The following BMPR2 variants were observed in gnomAD, a reference collection of about 807,000 sequenced individuals.
BMPR2 encodes the protein bone morphogenetic protein receptor type-2.
BMPR2 carries 29 observed loss-of-function variants against 100.8 expected under a neutral mutation model. That is an observed-to-expected ratio of 0.29 (90% CI 0.21 to 0.39). The LOEUF is 0.39. Among genes scored for constraint, BMPR2 ranks in the 10% least tolerant of loss-of-function variants. The pLI is 1.00. For missense variants in BMPR2, 1,011 were observed against 1,274.5 expected, an observed-to-expected ratio of 0.79 and a Z score of 3.15; for synonymous variants, 382 against 442.3, an observed-to-expected ratio of 0.86 and a Z score of 1.71.
chr2:202,469,831 T>C (rs1371189371), intron 3 of BMPR2, among the ~76,000 whole-genome samples: 2 of 151,968 alleles, frequency 1.3e-5, no homozygotes, highest in African/African-American at 4.8e-5. Context: ...ACCAAAGTTA[T>C]TGAAAGATAA....
intron 1 of BMPR2, among the ~76,000 whole-genome samples, chr2:202,456,154 A>G (rs1023794415): frequency 2.1e-5 from 3 of 140,066 alleles, no homozygotes; most frequent in Non-Finnish European, 4.6e-5. Flanking sequence ...AAAGGACACT[A>G]TGTTTTTTTG....
Position 202,562,128 on chromosome 2 carries a change from C to A in BMPR2, c.*2182C>A, listed in dbSNP as rs1688686979. 6.6e-6 allele frequency: 1 copy of A among 152,058 alleles called. No homozygotes were observed. Among genetic ancestry groups the A allele is most frequent in the African/African-American group, 2.4e-5 (1 of 41,414 alleles). The allele number at this position is 152,058 out of a possible 1,614,324, so 9.4% of individuals were successfully genotyped here. On this transcript the variant is annotated 3_prime_UTR_variant, in exon 13 of 13. Transcript: ENST00000374580. ...AAATATTTGTAGGACAACTTTGAATCAAAATAAATTATGTTCCTTCTCCAA... is the reference window on the plus strand; with the variant it reads ...AAATATTTGTAGGACAACTTTGAATAAAAATAAATTATGTTCCTTCTCCAA...
chr2:202,439,736 T>A (rs1161388808), intron 1 of BMPR2, among the ~76,000 whole-genome samples: 5 of 147,614 alleles, frequency 3.4e-5, no homozygotes, highest in Non-Finnish European at 5.9e-5. Flanking sequence ...TTGTGGGTTT[T>A]TCTTTTTTCT....
chr2:202,556,484 C>A lies in BMPR2; in HGVS notation c.2819C>A (p.Ser940Tyr), dbSNP rs1559074475. The A allele has an allele frequency of 1.9e-6, 3 of 1,613,932 alleles. No homozygotes were observed. The highest frequency in any genetic ancestry group is 2.5e-6 in the Non-Finnish European group (3 of 1,180,048). Residue 940 changes from serine to tyrosine, a missense_variant, in exon 12 of 13, where the codon TCT (serine) becomes TAT (tyrosine). Ser to Tyr is a moderately radical substitution (Grantham distance 144). Around this residue, in one of 6 missense-constraint regions of BMPR2, gnomAD observed 508 missense variants for 552.0 expected, o/e 0.92. Coordinates refer to ENST00000374580, the MANE Select transcript of BMPR2 (RefSeq NM_001204.7). The stretch of plus-strand genomic sequence containing the variant: ...CCCAGAAGAGCACAGAGGCCTAATT[C>A]TCTGGATCTTTCAGCCACAAATGTC... ...SKPRRAQRPN[S>Y]LDLSATNVLD... is the part of the protein sequence containing the mutation.
At chr2:202,536,296 T>C (rs1166393514) in intron 9 of BMPR2, among the ~76,000 whole-genome samples, 4 of 151,972 alleles carry the variant, frequency 2.6e-5, no homozygotes, top group Non-Finnish European at 4.4e-5. Flanking sequence ...TATTTTTTTG[T>C]AGAGACAAGG....
At chr2:202,467,377 AT>A (rs747575200) in intron 2 of BMPR2, 141 bp from the exon 3 acceptor site, 10 of 750,456 alleles carry the variant, frequency 1.3e-5, no homozygotes, top group Non-Finnish European at 2.2e-5. Context: ...TTTCTTAAAA[AT>A]ATGTTTCCTG....
intron 1 of BMPR2, among the ~76,000 whole-genome samples, chr2:202,461,350 G>GATGC (rs2105956808): frequency 6.6e-6 from 1 of 152,214 alleles, no homozygotes; most frequent in Non-Finnish European, 1.5e-5. Context: ...CGGGCGTGGT[G>GATGC]ATGCATGCCT....
chr2:202,530,981 T>C (rs1255643927), intron 8 of BMPR2, 27 bp downstream of exon 8: 1 of 1,612,468 alleles, frequency 6.2e-7, no homozygotes, highest in South Asian at 1.1e-5. Context: ...GGTATCACAC[T>C]GATGTACTTT....
intron 1 of BMPR2, among the ~76,000 whole-genome samples, chr2:202,409,487 AAGG>A (rs1369415418): frequency 6.6e-6 from 1 of 152,120 alleles, no homozygotes; most frequent in East Asian, 1.9e-4. Flanking sequence ...AGGCTGAGGC[AAGG>A]AGGATCACTT....
chr2:202,404,926 C>G (rs1690856992), intron 1 of BMPR2, among the ~76,000 whole-genome samples: 1 of 151,980 alleles, frequency 6.6e-6, no homozygotes, highest in Non-Finnish European at 1.5e-5. Context: ...CAGGCTCAAG[C>G]AATCCTCCCA....
chr2:202,542,200 A>T lies in BMPR2; in HGVS notation c.1277-111A>T, dbSNP rs946681124. On this transcript the variant is annotated intron_variant, in intron 9 of 12. Transcript: ENST00000374580. ...GCCTGAAGGGGATGAAAAAATAAAAAGATTGTGACACAATTTTTTTTGCTT... is the reference window on the plus strand; with the variant it reads ...GCCTGAAGGGGATGAAAAAATAAAATGATTGTGACACAATTTTTTTTGCTT... 2.4e-5 allele frequency: 31 copies of T among 1,283,074 alleles called. No individual in the cohort carries two copies. In the African/African-American group the frequency reaches 4.0e-4, roughly 17 times the overall value. The allele number at this position is 1,283,074 out of a possible 1,614,324, so 79.5% of individuals were successfully genotyped here.
At chr2:202,497,179 C>T (rs935235030) in intron 3 of BMPR2, among the ~76,000 whole-genome samples, 3 of 152,190 alleles carry the variant, frequency 2.0e-5, no homozygotes, top group African/African-American at 7.2e-5. Flanking sequence ...GCCCGCCATG[C>T]CTGAGCCTCC....
At chr2:202,480,380 C>T (rs1264930866) in intron 3 of BMPR2, among the ~76,000 whole-genome samples, 7 of 152,100 alleles carry the variant, frequency 4.6e-5, no homozygotes, top group South Asian at 2.1e-4. Flanking sequence ...CTGCCTGCCT[C>T]GGCCTCCCAA....
At chr2:202,434,292 C>T (rs1238962679) in intron 1 of BMPR2, among the ~76,000 whole-genome samples, 1 of 150,522 alleles carries the variant, frequency 6.6e-6, no homozygotes, top group Non-Finnish European at 1.5e-5. Context: ...ATAATTAAAG[C>T]AATGGCTACC....
At chr2:202,411,642 C>T (rs542870667) in intron 1 of BMPR2, among the ~76,000 whole-genome samples, 1 of 152,224 alleles carries the variant, frequency 6.6e-6, no homozygotes, top group South Asian at 2.1e-4. Context: ...AGTGTAGAAA[C>T]TCAGCCCAAA....
intron 1 of BMPR2, among the ~76,000 whole-genome samples, chr2:202,425,155 C>T (rs1278710964): frequency 6.6e-6 from 1 of 152,042 alleles, no homozygotes; most frequent in African/African-American, 2.4e-5. Context: ...CTCAGGTGAT[C>T]CACCTGCCTC....
At chr2:202,510,413 T>C (rs1259046894) in intron 3 of BMPR2, among the ~76,000 whole-genome samples, 2 of 152,082 alleles carry the variant, frequency 1.3e-5, no homozygotes, top group Non-Finnish European at 2.9e-5. Flanking sequence ...TAAAAGGAAA[T>C]GAACTGCTAA....
intron 1 of BMPR2, among the ~76,000 whole-genome samples, chr2:202,379,954 C>T (rs546848893): frequency 1.1e-4 from 16 of 152,136 alleles, no homozygotes; most frequent in South Asian, 6.2e-4. Flanking sequence ...GCCTCCCAGG[C>T]GCAAGTGGTT....
chr2:202,445,039 T>C (rs1378993760), intron 1 of BMPR2, among the ~76,000 whole-genome samples: 1 of 150,262 alleles, frequency 6.7e-6, no homozygotes, highest in Non-Finnish European at 1.5e-5. Context: ...CCACCTGCCT[T>C]GGCCTCCCAA....
Sources: gnomAD v4.1 joint callset for allele counts (sites outside exome capture counted in the v4.1 genomes callset) on GRCh38, gnomAD v4.1.1 for gene constraint, gnomAD v4.1.1 regional missense constraint, MANE v1.5 for transcripts, NCBI Gene and HGNC (gene_info 2026-07-23, HGNC 2026-07-21) for gene names.